Variants in FAR2 observed in about 807,000 individuals in gnomAD.
FAR2 encodes the protein epididymis secretory protein Li 81.
Under a neutral mutation model 56.0 loss-of-function variants are expected in FAR2, and 19 were observed. The ratio of observed to expected loss-of-function variants is 0.34; its 90% CI spans 0.24 to 0.50. FAR2 has a LOEUF of 0.50. FAR2 is among the 20% of genes least tolerant of loss of function. The pLI is 0.98. For missense variants in FAR2, 508 were observed against 642.2 expected (o/e 0.79, Z 2.26); for synonymous variants, 219 against 218.8 (o/e 1.00, Z -0.01).
rs567126075 is a variant in FAR2, at chr12:29,176,458, A to AT, written c.-39+27060dup. Among the ~76,000 whole-genome samples, 195 of 150,608 alleles carry AT rather than the reference A, an allele frequency of 1.3e-3. 1 individual carries two copies. The highest frequency in any genetic ancestry group is 3.4e-3 in the Middle Eastern group (1 of 292). On this transcript the variant is annotated intron_variant, in intron 1 of 11. Transcript: ENST00000536681. ...AACGTTTTGAACATCTTTAGTTTGC[A>AT]TTTTTTTTTCAACTGGGAAAAGAGA...
rs139348527 is a variant in FAR2, at chr12:29,186,942, C to T, written c.-39+37535C>T. On this transcript the variant is annotated intron_variant, in intron 1 of 11. Transcript: ENST00000536681. ...TAGCTGGGACTACAGGCGCCCGCCA[C>T]CACAACCGGCTAATTTTTTGTATTT... Among the ~76,000 whole-genome samples the T allele has an allele frequency of 1.8e-3, 280 of 152,188 alleles. 2 individuals are homozygous for T. Among genetic ancestry groups the T allele is most frequent in the African/African-American group, 6.6e-3 (274 of 41,534 alleles).
chr12:29,240,275 C>G (rs188333497), intron 1 of FAR2, among the ~76,000 whole-genome samples: 1 of 152,320 alleles, frequency 6.6e-6, no homozygotes, highest in Non-Finnish European at 1.5e-5. Flanking sequence ...AGAGCTTACA[C>G]CTGCATTTCC....
intron 1 of FAR2, among the ~76,000 whole-genome samples, chr12:29,227,575 C>T (rs969533770): frequency 7.2e-5 from 11 of 152,264 alleles, no homozygotes; most frequent in Admixed American, 5.9e-4. Context: ...AGGTTTCCTG[C>T]GTTATCCTTT....
Position 29,270,603 on chromosome 12 carries a change from C to A in FAR2, c.154C>A (p.Leu52Met), listed in dbSNP as rs763937322. Residue 52 changes from leucine (L) to methionine (M), a missense_variant, in exon 2 of 12, where the codon CTG becomes ATG. Transcript: ENST00000536681. ...ILVRPKAGQT[L>M]QQRVFQILDS... ...TGTGAGGCCCAAGGCTGGCCAGACA[C>A]TGCAGCAGAGGGTTTTCCAGATCCT... is the stretch of plus-strand genomic sequence containing the variant. 3 of 1,613,704 alleles carry A rather than the reference C, an allele frequency of 1.9e-6. No individual in the cohort carries two copies. Among genetic ancestry groups the A allele is most frequent in the Non-Finnish European group, 2.5e-6 (3 of 1,179,800 alleles).
chr12:29,170,474 T>C lies in FAR2; in HGVS notation c.-39+21067T>C, dbSNP rs138582925. ...GGAGTACCACGGAGAAGACCTTCAATTATCAATTATAGGTTTTAAATTTAC... is the reference window on the plus strand; with the variant it reads ...GGAGTACCACGGAGAAGACCTTCAACTATCAATTATAGGTTTTAAATTTAC... On this transcript the variant is annotated intron_variant, in intron 1 of 11. Transcript: ENST00000536681. 1.4e-4 allele frequency among the ~76,000 whole-genome samples: 22 copies of C among 152,356 alleles called. No individual in the cohort carries two copies. In the East Asian group the frequency reaches 4.2e-3, roughly 29 times the overall value.
At position 29,333,834 on chromosome 12, in the gene FAR2, T is replaced by A; in HGVS notation, c.*40T>A. 4 of 1,590,652 alleles carry A rather than the reference T, an allele frequency of 2.5e-6. No individual in the cohort carries two copies. The highest frequency in any genetic ancestry group is 2.6e-6 in the Non-Finnish European group (3 of 1,163,098). ...CGCTTTTTATCTGGAACCTCTCAGA[T>A]ACCTCTAAAACAGCAAACTGTGATT... On this transcript the variant is annotated 3_prime_UTR_variant, in exon 12 of 12. Transcript: ENST00000536681.
intron 2 of FAR2, among the ~76,000 whole-genome samples, chr12:29,292,807 G>C (rs981466221): frequency 1.3e-5 from 2 of 152,154 alleles, no homozygotes; most frequent in Non-Finnish European, 2.9e-5. Flanking sequence ...GTGTGTTACT[G>C]CAATTCTGAA....
At chr12:29,251,335 A>G (rs1461221375) in intron 1 of FAR2, among the ~76,000 whole-genome samples, 1 of 152,182 alleles carries the variant, frequency 6.6e-6, no homozygotes, top group Non-Finnish European at 1.5e-5. Flanking sequence ...TCTTTCTCCC[A>G]GACTTCCCCA....
At chr12:29,213,773 C>T (rs962340421) in intron 1 of FAR2, among the ~76,000 whole-genome samples, 9 of 151,822 alleles carry the variant, frequency 5.9e-5, no homozygotes, top group African/African-American at 2.2e-4. Flanking sequence ...TTGCCTTCTA[C>T]AAAATGTGTG....
At chr12:29,306,928 G>C (rs1949261350) in intron 4 of FAR2, among the ~76,000 whole-genome samples, 1 of 152,190 alleles carries the variant, frequency 6.6e-6, no homozygotes, top group Non-Finnish European at 1.5e-5. Context: ...ACTCTAAACA[G>C]ACCTTCAAAA....
chr12:29,311,378 C>T (rs1949348426), intron 7 of FAR2, among the ~76,000 whole-genome samples: 1 of 152,064 alleles, frequency 6.6e-6, no homozygotes, highest in African/African-American at 2.4e-5. Flanking sequence ...AATCACTTAA[C>T]CATAAAATTC....
chr12:29,210,271 A>G (rs529043945), intron 1 of FAR2, among the ~76,000 whole-genome samples: 5 of 152,162 alleles, frequency 3.3e-5, no homozygotes, highest in Non-Finnish European at 7.4e-5. Flanking sequence ...AAAAAAAGCA[A>G]TTATTATCAC....
At chr12:29,238,066 T>C (rs140719245) in intron 1 of FAR2, among the ~76,000 whole-genome samples, 3 of 152,296 alleles carry the variant, frequency 2.0e-5, no homozygotes, top group African/African-American at 7.2e-5. Context: ...TTCACTGATA[T>C]GGTTTTAGAT....
At chr12:29,192,334 C>T (rs921358461) in intron 1 of FAR2, among the ~76,000 whole-genome samples, 2 of 152,114 alleles carry the variant, frequency 1.3e-5, no homozygotes, top group South Asian at 2.1e-4. Flanking sequence ...AACAATTGGA[C>T]GCATGAAGCC....
intron 1 of FAR2, among the ~76,000 whole-genome samples, chr12:29,154,420 T>G (rs35390296): frequency 0.015 from 2,227 of 147,532 alleles, 34 homozygotes; most frequent in African/African-American, 0.049. Context: ...TTTTGTTTTT[T>G]TTTTTGTTTT....
intron 1 of FAR2, among the ~76,000 whole-genome samples, chr12:29,152,259 T>TA (rs1485713794): frequency 1.3e-5 from 2 of 152,206 alleles, no homozygotes; most frequent in African/African-American, 2.4e-5. Context: ...TCATTTAATT[T>TA]AAAAAATCTG....
intron 1 of FAR2, among the ~76,000 whole-genome samples, chr12:29,251,304 T>C (rs1948206802): frequency 1.3e-5 from 2 of 152,296 alleles, no homozygotes; most frequent in African/African-American, 2.4e-5. Context: ...CCTGATACAC[T>C]GCCAAAAAAT....
chr12:29,186,817 CTCG>C (rs1950048114), intron 1 of FAR2, among the ~76,000 whole-genome samples: 1 of 151,452 alleles, frequency 6.6e-6, no homozygotes, highest in Non-Finnish European at 1.5e-5. Flanking sequence ...GAGACGGAGT[CTCG>C]CTCTGTCGCC....
intron 1 of FAR2, among the ~76,000 whole-genome samples, chr12:29,218,794 C>T (rs12319200): frequency 0.24 from 36,487 of 151,894 alleles, 5,898 homozygotes; most frequent in African/African-American, 0.46. Context: ...GTGAGCATAA[C>T]GGCAAACTTC....
Sources: gnomAD v4.1 joint callset for allele counts (sites outside exome capture counted in the v4.1 genomes callset) on GRCh38, gnomAD v4.1.1 for gene constraint, MANE v1.5 for transcripts, NCBI Gene and HGNC (gene_info 2026-07-23, HGNC 2026-07-21) for gene names.